Variants in NRCAM observed in about 807,000 individuals in gnomAD.
The protein encoded by NRCAM is NgCAM-related cell adhesion molecule.
Under a neutral mutation model 156.5 loss-of-function variants are expected in NRCAM, and 83 were observed. The ratio of observed to expected loss-of-function variants is 0.53; its 90% CI spans 0.44 to 0.64. The LOEUF is 0.64. Among genes scored for constraint, NRCAM ranks in the 30% least tolerant of loss-of-function variants. The pLI is 0.00. For missense variants in NRCAM, 1,417 were observed against 1,597.3 expected (o/e 0.89, Z 1.92); for synonymous variants, 538 against 563.9 (o/e 0.95, Z 0.65).
chr7:108,276,516 T>C (rs188232877), intron 3 of NRCAM, among the ~76,000 whole-genome samples: 2,483 of 152,310 alleles, frequency 0.016, 35 homozygotes, highest in Middle Eastern at 0.075. Flanking sequence ...TTGATCTTTG[T>C]TGTTTTAAAG....
chr7:108,366,590 A>C (rs779476066), intron 2 of NRCAM, among the ~76,000 whole-genome samples: 1 of 152,220 alleles, frequency 6.6e-6, no homozygotes, highest in Non-Finnish European at 1.5e-5. Context: ...CTGTAAAATG[A>C]ATATTACAAC....
At chr7:108,321,121 C>A (rs2098996320) in intron 2 of NRCAM, among the ~76,000 whole-genome samples, 1 of 152,226 alleles carries the variant, frequency 6.6e-6, no homozygotes, top group African/African-American at 2.4e-5. Flanking sequence ...TTTAACCACA[C>A]TGTCATTTAT....
chr7:108,240,155 ATT>A lies in NRCAM; in HGVS notation c.-93_-92del. 1.2e-6 allele frequency: 1 copy of A among 807,776 alleles called. No individual in the cohort carries two copies. The highest frequency in any genetic ancestry group is 1.6e-5 in the South Asian group (1 of 64,508). The allele number at this position is 807,776 out of a possible 1,614,324, so 50.0% of individuals were successfully genotyped here. On this transcript the variant is annotated 5_prime_UTR_variant, in exon 4 of 33. The change abolishes the stop of an existing upstream ORF in the 5' untranslated region. Transcript: ENST00000379028. ...AAACGTTGTGTGCAACGTTTAAGTA[ATT>A]TTCATGCGGGAAACTGAAAAAGGAT...
chr7:108,159,560 G>T lies in NRCAM; in HGVS notation c.3599-19C>A. 1.3e-6 allele frequency: 2 copies of T among 1,585,452 alleles called. No individual in the cohort carries two copies. Among genetic ancestry groups the T allele is most frequent in the Non-Finnish European group, 1.7e-6 (2 of 1,154,792 alleles). On this transcript the variant is annotated intron_variant, in intron 31 of 32. Transcript: ENST00000379028. Reference sequence around the variant, plus strand: ...TCTTTAACTAAAAAATGCCAAAATGGTATTATTATCTGTTGATCCTGTTCT... The same window carrying T: ...TCTTTAACTAAAAAATGCCAAAATGTTATTATTATCTGTTGATCCTGTTCT...
intron 3 of NRCAM, among the ~76,000 whole-genome samples, chr7:108,302,027 AC>A (rs2098631000): frequency 6.6e-6 from 1 of 151,412 alleles, no homozygotes; most frequent in Non-Finnish European, 1.5e-5. Context: ...CTAACTGATC[AC>A]CCTTTCTAAA....
intron 3 of NRCAM, among the ~76,000 whole-genome samples, chr7:108,299,105 C>CAAAAAAAAAAAAAAA (rs1292917918): frequency 1.2e-4 from 2 of 16,964 alleles, no homozygotes; most frequent in African/African-American, 3.5e-4. Context: ...GACTCCATCT[C>CAAAAAAAAAAAAAAA]AAAAAAAAAA....
At chr7:108,171,029 C>T (rs2152024475) in intron 28 of NRCAM, among the ~76,000 whole-genome samples, 1 of 152,196 alleles carries the variant, frequency 6.6e-6, no homozygotes, top group South Asian at 2.1e-4. Context: ...GAAAAGATAC[C>T]ACAATTTCCT....
At chr7:108,376,609 C>T (rs1168618001) in intron 2 of NRCAM, among the ~76,000 whole-genome samples, 1 of 152,086 alleles carries the variant, frequency 6.6e-6, no homozygotes, top group East Asian at 1.9e-4. Context: ...GTAAACCATG[C>T]TGGGGTATGC....
rs546557259 is a variant in NRCAM, at chr7:108,194,391, T to C, written c.1501A>G (p.Ile501Val). 1.9e-5 allele frequency: 30 copies of C among 1,612,580 alleles called. No individual in the cohort carries two copies. In the South Asian group the frequency reaches 2.5e-4, roughly 14 times the overall value. ...GTTCCATTTTCATGTAAAACATAAA[T>C]ATCTTCATGAAGAGCACTTCCTTTA... ...GAKGSALHED[I>V]YVLHENGTLE... The change falls in exon 16 of 33, where the codon ATT (isoleucine) becomes GTT (valine). Residue 501 changes from isoleucine to valine, a missense_variant. Physicochemically the swap from Ile to Val is conservative, Grantham distance 29 (BLOSUM62 3). This residue lies in a region of NRCAM where 1,238 missense variants were observed against 1,336.4 expected (regional missense o/e 0.93). Transcript: ENST00000379028.
chr7:108,356,065 C>T (rs533152117), intron 2 of NRCAM, among the ~76,000 whole-genome samples: 9 of 152,130 alleles, frequency 5.9e-5, no homozygotes. Flanking sequence ...TCTTCTGCCT[C>T]ACCCTGCTGA....
chr7:108,284,799 A>G (rs1045905894), intron 3 of NRCAM, among the ~76,000 whole-genome samples: 1 of 152,206 alleles, frequency 6.6e-6, no homozygotes, highest in Non-Finnish European at 1.5e-5. Context: ...ACACTTGTTT[A>G]CAAGTCTGTC....
At chr7:108,363,878 G>A (rs532984890) in intron 2 of NRCAM, among the ~76,000 whole-genome samples, 1 of 152,132 alleles carries the variant, frequency 6.6e-6, no homozygotes. Flanking sequence ...AACAAGGAAA[G>A]TCTGAGAAAC....
At chr7:108,195,040 A>G (rs1418903927) in intron 15 of NRCAM, among the ~76,000 whole-genome samples, 1 of 150,484 alleles carries the variant, frequency 6.6e-6, no homozygotes, top group Non-Finnish European at 1.5e-5. Flanking sequence ...CAAGAGAAAC[A>G]ATGGTAAGAA....
At chr7:108,391,200 G>C (rs2099758668) in intron 2 of NRCAM, among the ~76,000 whole-genome samples, 1 of 152,028 alleles carries the variant, frequency 6.6e-6, no homozygotes, top group Admixed American at 6.6e-5. Context: ...ATTATTGTGT[G>C]GGAGTCTAAG....
chr7:108,309,806 G>A (rs1436284386), intron 3 of NRCAM, among the ~76,000 whole-genome samples: 1 of 152,164 alleles, frequency 6.6e-6, no homozygotes, highest in African/African-American at 2.4e-5. Flanking sequence ...GCAGTGAGCA[G>A]AGATCGCGCC....
chr7:108,265,204 C>T (rs566088893), intron 3 of NRCAM, among the ~76,000 whole-genome samples: 2 of 152,318 alleles, frequency 1.3e-5, no homozygotes, highest in South Asian at 2.1e-4. Flanking sequence ...CTGCCTTTAT[C>T]GTTTGTAGGG....
chr7:108,180,466 A>T (rs775978457), intron 24 of NRCAM, 39 bp from the exon 25 acceptor site: 2 of 1,526,776 alleles, frequency 1.3e-6, no homozygotes, highest in South Asian at 1.1e-5. Context: ...TGCAGAAAGG[A>T]GCAAACAAGA....
chr7:108,317,271 A>T (rs756700276), intron 2 of NRCAM, among the ~76,000 whole-genome samples: 2 of 152,240 alleles, frequency 1.3e-5, no homozygotes, highest in Non-Finnish European at 2.9e-5. Flanking sequence ...TGTGAACATA[A>T]TAGAAACTTT....
At chr7:108,345,718 C>A (rs182823281) in intron 2 of NRCAM, among the ~76,000 whole-genome samples, 10 of 152,298 alleles carry the variant, frequency 6.6e-5, no homozygotes, top group Middle Eastern at 6.8e-3. Flanking sequence ...AGGAACCCCA[C>A]CAGCTGACAT....
Sources: allele counts gnomAD v4.1 joint callset (sites outside exome capture counted in the v4.1 genomes callset), GRCh38; gene constraint gnomAD v4.1.1; regional missense constraint gnomAD v4.1.1; transcripts MANE v1.5; gene names NCBI Gene and HGNC (gene_info 2026-07-23, HGNC 2026-07-21).